GABRB1: variants seen among roughly 807,000 people sequenced by gnomAD.
The protein encoded by GABRB1 is gamma-aminobutyric acid receptor subunit beta-1.
Under a neutral mutation model 51.6 loss-of-function variants are expected in GABRB1, and 17 were observed. That is an observed-to-expected ratio of 0.33 (90% CI 0.23 to 0.49). The LOEUF (loss-of-function observed/expected upper bound fraction) is 0.49, where lower values mean the gene tolerates loss of function less well. Ranked by LOEUF, GABRB1 falls within the 20% of genes least tolerant of loss-of-function variation. The pLI is 0.99. For synonymous variants in GABRB1, 247 were observed against 218.9 expected (o/e 1.13, Z -1.14); for missense variants, 410 against 600.6 (o/e 0.68, Z 3.32).
At chr4:47,045,177 C>T (rs1345606526) in intron 3 of GABRB1, among the ~76,000 whole-genome samples, 2 of 151,976 alleles carry the variant, frequency 1.3e-5, no homozygotes, top group Non-Finnish European at 2.9e-5. Flanking sequence ...AAACATACAC[C>T]TTTGAGAATG....
intron 5 of GABRB1, among the ~76,000 whole-genome samples, chr4:47,337,517 A>G (rs1478527665): frequency 6.6e-6 from 1 of 152,068 alleles, no homozygotes; most frequent in Admixed American, 6.6e-5. Flanking sequence ...AGGAATGCAT[A>G]GATCTGGCCG....
chr4:47,361,302 T>C lies in GABRB1; in HGVS notation c.544+41093T>C, dbSNP rs137911264. 3.9e-3 allele frequency among the ~76,000 whole-genome samples: 594 copies of C among 152,252 alleles called. 7 individuals are homozygous for C. Among genetic ancestry groups the C allele is most frequent in the African/African-American group, 6.8e-3 (281 of 41,566 alleles). Reference sequence around the variant, plus strand: ...GCCAACAAAATATCTCATGGACTAATAGTAAACAAGCCAAAAGGCAAAGGG... The same window carrying C: ...GCCAACAAAATATCTCATGGACTAACAGTAAACAAGCCAAAAGGCAAAGGG... On this transcript the variant is annotated intron_variant, in intron 5 of 8. Coordinates refer to ENST00000295454, the MANE Select transcript of GABRB1 (RefSeq NM_000812.4).
At chr4:47,068,561 A>T (rs1185660266) in intron 3 of GABRB1, among the ~76,000 whole-genome samples, 1 of 152,172 alleles carries the variant, frequency 6.6e-6, no homozygotes, top group Non-Finnish European at 1.5e-5. Context: ...TTGTGTCTCA[A>T]AGAATAGGAA....
chr4:47,311,431 A>G (rs1007199747), intron 4 of GABRB1, among the ~76,000 whole-genome samples: 3 of 151,670 alleles, frequency 2.0e-5, no homozygotes, highest in African/African-American at 7.3e-5. Context: ...AAAAAAAAAA[A>G]AAGATAGTCG....
At chr4:47,397,724 G>A (rs1007452195) in intron 5 of GABRB1, among the ~76,000 whole-genome samples, 2 of 151,832 alleles carry the variant, frequency 1.3e-5, no homozygotes, top group Admixed American at 6.6e-5. Context: ...CTGCCACCAT[G>A]CTCAGCTAAT....
intron 4 of GABRB1, among the ~76,000 whole-genome samples, chr4:47,295,354 C>T (rs1191613802): frequency 2.0e-5 from 3 of 152,088 alleles, no homozygotes; most frequent in Non-Finnish European, 2.9e-5. Flanking sequence ...AAGTTAAAAA[C>T]TTTGAAAAAA....
At position 47,265,765 on chromosome 4, in the gene GABRB1, C is replaced by T. The variant is rs73150178; in HGVS notation, c.462-54362C>T. Among the ~76,000 whole-genome samples, 1,396 of 152,194 alleles carry T rather than the reference C, an allele frequency of 9.2e-3. 21 individuals are homozygous for T. The highest frequency in any genetic ancestry group is 0.032 in the African/African-American group (1,338 of 41,544). ...CTTTTGAGAAATGTCTGCTCATGTC[C>T]TTTGCTCACTGCCTACGGGGGTCAT... On this transcript the variant is annotated intron_variant, in intron 4 of 8. Coordinates refer to ENST00000295454, the MANE Select transcript of GABRB1 (RefSeq NM_000812.4).
At chr4:47,383,715 A>G (rs950639188) in intron 5 of GABRB1, among the ~76,000 whole-genome samples, 20 of 152,284 alleles carry the variant, frequency 1.3e-4, no homozygotes, top group African/African-American at 4.3e-4. Flanking sequence ...ACTCCTCAAA[A>G]TGTTAGTGAA....
intron 1 of GABRB1, among the ~76,000 whole-genome samples, chr4:47,006,474 A>G (rs1006577739): frequency 5.9e-5 from 9 of 152,226 alleles, no homozygotes; most frequent in Admixed American, 2.0e-4. Context: ...TATTGCATCT[A>G]TAATATGTCT....
chr4:47,265,349 C>T (rs1438885636), intron 4 of GABRB1, among the ~76,000 whole-genome samples: 3 of 152,092 alleles, frequency 2.0e-5, no homozygotes, highest in Non-Finnish European at 4.4e-5. Flanking sequence ...TTCATCCAGT[C>T]ATTCATTGAT....
intron 4 of GABRB1, among the ~76,000 whole-genome samples, chr4:47,181,477 C>T (rs182108570): frequency 2.6e-5 from 4 of 152,050 alleles, no homozygotes; most frequent in African/African-American, 7.2e-5. Flanking sequence ...GGCAATAGAG[C>T]GAAGTGACAA....
upstream of GABRB1, chr4:46,993,696 G>A (rs1723870760): frequency 5.6e-6 from 2 of 359,908 alleles, no homozygotes; most frequent in Admixed American, 4.3e-5. Flanking sequence ...TCGTGCCCGC[G>A]CGCTGAAGGT....
At chr4:47,062,874 C>T (rs1194134117) in intron 3 of GABRB1, among the ~76,000 whole-genome samples, 2 of 152,124 alleles carry the variant, frequency 1.3e-5, no homozygotes, top group African/African-American at 2.4e-5. Context: ...AATTCGATTA[C>T]ATTCAAAACC....
intron 1 of GABRB1, among the ~76,000 whole-genome samples, chr4:47,024,933 C>CATATATATATATATATATATATAT (rs34532575): frequency 0.011 from 967 of 85,966 alleles, 59 homozygotes; most frequent in African/African-American, 0.02. Flanking sequence ...AGTATTCCAT[C>CATATATATATATATATATATATAT]ATATATATAT....
Position 47,085,206 on chromosome 4 carries a change from C to T in GABRB1, c.240+52722C>T, listed in dbSNP as rs141001482. Among the ~76,000 whole-genome samples, 435 of 152,078 alleles carry T rather than the reference C, an allele frequency of 2.9e-3. 3 individuals carry two copies. Among genetic ancestry groups the T allele is most frequent in the African/African-American group, 9.1e-3 (378 of 41,476 alleles). ...CTAGAACTAAACTTTTTGTTTATTG[C>T]CAGATGTTTATTTAAAAGAAAAAGA... On this transcript the variant is annotated intron_variant, in intron 3 of 8. Coordinates refer to ENST00000295454, the MANE Select transcript of GABRB1 (RefSeq NM_000812.4).
chr4:46,994,665 C>T (rs1394699313), intron 1 of GABRB1, among the ~76,000 whole-genome samples: 1 of 152,136 alleles, frequency 6.6e-6, no homozygotes, highest in Non-Finnish European at 1.5e-5. Context: ...CAAAGATAAG[C>T]ATTCCCAATA....
chr4:47,305,495 A>C (rs1486008886), intron 4 of GABRB1, among the ~76,000 whole-genome samples: 1 of 152,124 alleles, frequency 6.6e-6, no homozygotes, highest in Non-Finnish European at 1.5e-5. Flanking sequence ...TCATTACCTT[A>C]CACATCAATT....
At chr4:47,394,908 G>T (rs943732958) in intron 5 of GABRB1, among the ~76,000 whole-genome samples, 1 of 152,052 alleles carries the variant, frequency 6.6e-6, no homozygotes, top group Non-Finnish European at 1.5e-5. Context: ...AGGCAGGTCC[G>T]GGTGGTGCTG....
chr4:47,320,339 A>G (rs547666575), intron 5 of GABRB1, 130 bp downstream of exon 5: 1 of 686,768 alleles, frequency 1.5e-6, no homozygotes, highest in South Asian at 1.6e-5. Flanking sequence ...CAAAGGGTTT[A>G]TATTGGTAGC....
Sources: gnomAD v4.1 joint callset for allele counts (sites outside exome capture counted in the v4.1 genomes callset) on GRCh38, gnomAD v4.1.1 for gene constraint, MANE v1.5 for transcripts, NCBI Gene and HGNC (gene_info 2026-07-23, HGNC 2026-07-21) for gene names.